TMEM115: variants seen among roughly 807,000 people sequenced by gnomAD.
The protein encoded by TMEM115 is transmembrane protein 115.
Under a neutral mutation model 20.1 loss-of-function variants are expected in TMEM115, and 8 were observed. That is an observed-to-expected ratio of 0.40 (90% confidence interval 0.23 to 0.72). TMEM115 has a LOEUF of 0.72. TMEM115 is among the 30% of genes least tolerant of loss of function. The pLI is 0.39. For synonymous variants in TMEM115, 229 were observed against 206.2 expected (o/e 1.11, Z -0.95); for missense variants, 374 against 455.1 (o/e 0.82, Z 1.62).
intron 1 of TMEM115, among the ~76,000 whole-genome samples, chr3:50,357,143 C>T (rs1051613198): frequency 6.6e-6 from 1 of 152,184 alleles, no homozygotes; most frequent in Non-Finnish European, 1.5e-5. Context: ...AGAATTATGC[C>T]CTGCAGCATG....
Position 50,357,430 on chromosome 3 carries a change from T to A in TMEM115, c.851+783A>T, listed in dbSNP as rs147975088. On this transcript the variant is annotated intron_variant, in intron 1 of 1. Coordinates refer to ENST00000266025, the MANE Select transcript of TMEM115 (RefSeq NM_007024.5). Reference sequence around the variant, plus strand: ...GCCTCAAAACAGTGAGGAATAATGTTGGAAATGGAGCTGTGGATCTTATGA... The same window carrying A: ...GCCTCAAAACAGTGAGGAATAATGTAGGAAATGGAGCTGTGGATCTTATGA... Among the ~76,000 whole-genome samples, 308 of 152,324 alleles carry A rather than the reference T, an allele frequency of 2.0e-3. 1 individual carries two copies. Among genetic ancestry groups the A allele is most frequent in the Non-Finnish European group, 3.0e-3 (205 of 68,034 alleles).
intron 1 of TMEM115, among the ~76,000 whole-genome samples, chr3:50,356,614 C>T (rs1356938954): frequency 6.6e-6 from 1 of 152,146 alleles, no homozygotes; most frequent in Admixed American, 6.5e-5. Context: ...CTGCTGCTAC[C>T]CAGGCTGCCA....
At position 50,359,230 on chromosome 3, in the gene TMEM115, G is replaced by T. The variant is rs1703925859; in HGVS notation, c.-167C>A. Reference sequence around the variant, plus strand: ...TCGGGTGGGGCTCTGGTCCCGAGGGGCCGAGTCGGGCCTTGTTGCCGGGCC... The same window carrying T: ...TCGGGTGGGGCTCTGGTCCCGAGGGTCCGAGTCGGGCCTTGTTGCCGGGCC... On this transcript the variant is annotated 5_prime_UTR_variant, in exon 1 of 2. Coordinates refer to ENST00000266025, the MANE Select transcript of TMEM115 (RefSeq NM_007024.5). The T allele has an allele frequency of 9.0e-7, 1 of 1,113,572 alleles. No individual in the cohort carries two copies. The highest frequency in any genetic ancestry group is 1.2e-6 in the Non-Finnish European group (1 of 809,132). The allele number at this position is 1,113,572 out of a possible 1,614,324, so 69.0% of individuals were successfully genotyped here.
In TMEM115 at chr3:50,358,582, A is replaced by T. The variant is rs772879501; in HGVS notation, c.482T>A (p.Val161Glu). 1.9e-6 allele frequency: 3 copies of T among 1,610,790 alleles called. No homozygotes were observed. The highest frequency in any genetic ancestry group is 2.5e-6 in the Non-Finnish European group (3 of 1,178,872). Residue 161 changes from valine (V) to glutamate (E), a missense_variant, in exon 1 of 2, where the codon GTG (valine) becomes GAG (glutamate). Coordinates refer to ENST00000266025, the MANE Select transcript of TMEM115 (RefSeq NM_007024.5). ...CATCACACTGACGCGCACCTGGGGC[A>T]CTCGCAGGACCACACAGTCCCCCAT... Reference protein sequence around the residue: ...QTMGDCVVLRVPQVRVSVMPM... With the variant: ...QTMGDCVVLREPQVRVSVMPM...
At chr3:50,355,969 TATTA>T (rs1466092824) in intron 1 of TMEM115, among the ~76,000 whole-genome samples, 1 of 152,154 alleles carries the variant, frequency 6.6e-6, no homozygotes, top group African/African-American at 2.4e-5. Context: ...AGGGAAGGGT[TATTA>T]ATTCTCCCCC....
intron 1 of TMEM115, among the ~76,000 whole-genome samples, chr3:50,357,117 C>T (rs1703889067): frequency 6.6e-6 from 1 of 152,186 alleles, no homozygotes; most frequent in Admixed American, 6.5e-5. Flanking sequence ...CTATAAAGAC[C>T]CAAGCTCTAG....
rs1703922438 is a variant in TMEM115 at position 50,359,058 on chromosome 3, T to A, written c.6A>T (p.Gln2His). 1 of 1,548,690 alleles carries A rather than the reference T, an allele frequency of 6.5e-7. No individual in the cohort carries two copies. Among genetic ancestry groups the A allele is most frequent in the East Asian group, 2.4e-5 (1 of 40,956 alleles). The change falls in exon 1 of 2, where the codon CAA becomes CAT. Residue 2 changes from glutamine to histidine, a missense_variant. Coordinates refer to ENST00000266025, the MANE Select transcript of TMEM115 (RefSeq NM_007024.5). ...GCTGGCGGGCGCCTGGCAGGGCACG[T>A]TGCATCTTCCTGGCGGCTGTCGGCC... M[Q>H]RALPGARQHL...
chr3:50,357,950 C>T (rs1411250578), intron 1 of TMEM115, among the ~76,000 whole-genome samples: 1 of 152,236 alleles, frequency 6.6e-6, no homozygotes, highest in Non-Finnish European at 1.5e-5. Flanking sequence ...TTCTGTGTCC[C>T]TCCACTGGGA....
chr3:50,358,058 G>A lies in TMEM115; in HGVS notation c.851+155C>T, dbSNP rs1703904307. On this transcript the variant is annotated intron_variant, in intron 1 of 1. Coordinates refer to ENST00000266025, the MANE Select transcript of TMEM115 (RefSeq NM_007024.5). Reference sequence around the variant, plus strand: ...TGGACCCCAGACACCTAACTGCTGAGTTCCTTAAGGCCAAAGACTGATTTT... The same window carrying A: ...TGGACCCCAGACACCTAACTGCTGAATTCCTTAAGGCCAAAGACTGATTTT... The A allele has an allele frequency of 2.9e-6, 3 of 1,040,768 alleles. No homozygotes were observed. In the South Asian group the frequency reaches 4.8e-5, roughly 17 times the overall value. 64.5% of individuals were successfully genotyped at this position (1,040,768 alleles called of 1,614,324 possible). A position where few individuals can be genotyped will look rare whatever the true frequency, so the allele number is the denominator to read the frequency against.
At position 50,359,202 on chromosome 3, in the gene TMEM115, C is replaced by T; in HGVS notation, c.-139G>A. On this transcript the variant is annotated 5_prime_UTR_variant, in exon 1 of 2. Coordinates refer to ENST00000266025, the MANE Select transcript of TMEM115 (RefSeq NM_007024.5). ...ATGGCCCTGGTAAAGGATCCGCTTC[C>T]GATCGGGTGGGGCTCTGGTCCCGAG... 2.2e-6 allele frequency: 3 copies of T among 1,333,596 alleles called. No individual in the cohort carries two copies. Among genetic ancestry groups the T allele is most frequent in the Non-Finnish European group, 3.0e-6 (3 of 1,007,002 alleles). The allele number at this position is 1,333,596 out of a possible 1,614,324, so 82.6% of individuals were successfully genotyped here.
Position 50,358,977 on chromosome 3 carries a change from C to T in TMEM115, c.87G>A (p.Ala29=), listed in dbSNP as rs1222791584. ...ASVVVKALCA[A]VLFLYLLSFA... is the part of the protein sequence containing the mutation. ...AGGAGAGCAGGTAGAGGAATAGTAC[C>T]GCCGCACACAGAGCCTTCACCACCA... is the stretch of plus-strand genomic sequence containing the variant. The change falls in exon 1 of 2, where the codon GCG becomes GCA. Residue 29 remains alanine (A), a synonymous_variant. Transcript: ENST00000266025. The T allele has an allele frequency of 1.2e-6, 2 of 1,602,526 alleles. No individual in the cohort carries two copies. The highest frequency in any genetic ancestry group is 8.5e-7 in the Non-Finnish European group (1 of 1,175,028).
intron 1 of TMEM115, 53 bp downstream of exon 1, chr3:50,358,160 G>A: frequency 6.3e-7 from 1 of 1,589,952 alleles, no homozygotes; most frequent in Non-Finnish European, 8.6e-7. Context: ...GATGGCATGT[G>A]ACTCGACCAG....
In TMEM115 at chr3:50,355,480, T is replaced by C; in HGVS notation, c.919A>G (p.Met307Val). 1 of 1,609,458 alleles carries C rather than the reference T, an allele frequency of 6.2e-7. No homozygotes were observed. The highest frequency in any genetic ancestry group is 8.5e-7 in the Non-Finnish European group (1 of 1,177,784). Residue 307 changes from methionine to valine, a missense_variant, in exon 2 of 2, where the codon ATG (methionine) becomes GTG (valine). Transcript: ENST00000266025. Reference sequence around the variant, plus strand: ...CCAGACTCCTCTTCATCATCATCCATGCTGGGCCAGATGGACTGGTCTTCC... The same window carrying C: ...CCAGACTCCTCTTCATCATCATCCACGCTGGGCCAGATGGACTGGTCTTCC... The part of the protein sequence containing the change: ...RVEDQSIWPS[M>V]DDDEEESGAK...
intron 1 of TMEM115, among the ~76,000 whole-genome samples, chr3:50,355,947 G>C (rs1226006416): frequency 1.3e-5 from 2 of 152,184 alleles, no homozygotes; most frequent in Admixed American, 1.3e-4. Flanking sequence ...CTGGGTGCTG[G>C]CATCACATCC....
intron 1 of TMEM115, among the ~76,000 whole-genome samples, 181 bp from the exon 2 acceptor site, chr3:50,355,728 C>T (rs1028311668): frequency 1.3e-5 from 2 of 152,280 alleles, no homozygotes; most frequent in African/African-American, 4.8e-5. Flanking sequence ...CCCACTCTGC[C>T]ATCAGAATGA....
At chr3:50,355,613 C>T (rs1026401059) in intron 1 of TMEM115, 66 bp from the exon 2 acceptor site, 70 of 1,418,434 alleles carry the variant, frequency 4.9e-5, no homozygotes, top group Middle Eastern at 2.1e-4. Context: ...TCTACCCTTC[C>T]GCAGCAGGCT....
chr3:50,355,301 G>A lies in TMEM115; in HGVS notation c.*42C>T, dbSNP rs1234272727. 8.6e-6 allele frequency: 12 copies of A among 1,394,792 alleles called. No individual in the cohort carries two copies. The highest frequency in any genetic ancestry group is 1.5e-5 in the African/African-American group (1 of 67,768). 86.4% of individuals were successfully genotyped at this position (1,394,792 alleles called of 1,614,324 possible). On this transcript the variant is annotated 3_prime_UTR_variant, in exon 2 of 2. Transcript: ENST00000266025. The stretch of plus-strand genomic sequence containing the variant: ...TGGAGTAGCTGAGAGGATGTCAAGG[G>A]GGGCTTGGGAGGGGAGGTGCCACAC...
In TMEM115 at chr3:50,358,086, C is replaced by T; in HGVS notation, c.851+127G>A. 8 of 1,337,082 alleles carry T rather than the reference C, an allele frequency of 6.0e-6. No individual in the cohort carries two copies. The South Asian group carries it at 6.9e-5, about 12-fold the overall frequency. 82.8% of individuals were successfully genotyped at this position (1,337,082 alleles called of 1,614,324 possible). On this transcript the variant is annotated intron_variant, in intron 1 of 1. Transcript: ENST00000266025. ...CCTTAAGGCCAAAGACTGATTTTGT[C>T]TTTCCGGATGTGCCCCAATACCTGA...
At chr3:50,356,807 G>A (rs750171397) in intron 1 of TMEM115, among the ~76,000 whole-genome samples, 111 of 152,186 alleles carry the variant, frequency 7.3e-4, no homozygotes, top group Non-Finnish European at 1.4e-3. Flanking sequence ...AGGAATAACC[G>A]CCACCCCCAT....
Sources: allele counts gnomAD v4.1 joint callset (sites outside exome capture counted in the v4.1 genomes callset), GRCh38; gene constraint gnomAD v4.1.1; transcripts MANE v1.5; gene names NCBI Gene and HGNC (gene_info 2026-07-23, HGNC 2026-07-21).